Variants in EGFR observed in about 807,000 individuals in gnomAD.
EGFR encodes avian erythroblastic leukemia viral (v-erb-b) oncogene homolog.
EGFR carries 58 observed loss-of-function variants against 143.0 expected under a neutral mutation model. The ratio of observed to expected loss-of-function variants is 0.41; its 90% CI spans 0.33 to 0.50. EGFR has a LOEUF of 0.50. EGFR is among the 20% of genes least tolerant of loss of function. The pLI is 0.39. For synonymous variants in EGFR, 613 were observed against 594.4 expected (o/e 1.03, Z -0.45); for missense variants, 1,307 against 1,579.0 (o/e 0.83, Z 2.92).
At chr7:55,076,919 G>A (rs1790163590) in intron 1 of EGFR, among the ~76,000 whole-genome samples, 1 of 151,916 alleles carries the variant, frequency 6.6e-6, no homozygotes, top group Non-Finnish European at 1.5e-5. Context: ...GGGAATGAGG[G>A]AAATTGACTA....
At chr7:55,070,663 C>T (rs1194334399) in intron 1 of EGFR, among the ~76,000 whole-genome samples, 1 of 152,192 alleles carries the variant, frequency 6.6e-6, no homozygotes, top group African/African-American at 2.4e-5. Flanking sequence ...TATTTGCAAA[C>T]GGCCCTGAGT....
chr7:55,020,625 G>C (rs1043385007), intron 1 of EGFR, among the ~76,000 whole-genome samples: 3 of 151,342 alleles, frequency 2.0e-5, no homozygotes, highest in African/African-American at 7.3e-5. Context: ...AGTGTGCCAA[G>C]TGTGCAGACA....
At chr7:55,154,206 G>A (rs2128935332) in intron 7 of EGFR, 54 bp downstream of exon 7, 1 of 1,613,414 alleles carries the variant, frequency 6.2e-7, no homozygotes, top group Non-Finnish European at 8.5e-7. Context: ...GTCCCGCTCT[G>A]TCTCCTGCTG....
intron 15 of EGFR, chr7:55,170,363 G>A (rs771274615): frequency 6.2e-7 from 1 of 1,614,212 alleles, no homozygotes; most frequent in Middle Eastern, 1.6e-4. Flanking sequence ...CTATCATCCT[G>A]TAATCAAAGT....
At chr7:55,126,835 T>C (rs1793552083) in intron 1 of EGFR, among the ~76,000 whole-genome samples, 1 of 152,196 alleles carries the variant, frequency 6.6e-6, no homozygotes, top group Non-Finnish European at 1.5e-5. Context: ...TGTCAGGGGA[T>C]GAGTGAGATA....
At chr7:55,047,640 A>G (rs1240330309) in intron 1 of EGFR, among the ~76,000 whole-genome samples, 1 of 152,204 alleles carries the variant, frequency 6.6e-6, no homozygotes, top group Non-Finnish European at 1.5e-5. Context: ...AATCCCAGCT[A>G]GTTGAGGGGC....
At chr7:55,063,181 T>C (rs541833922) in intron 1 of EGFR, among the ~76,000 whole-genome samples, 2 of 152,296 alleles carry the variant, frequency 1.3e-5, no homozygotes, top group South Asian at 4.2e-4. Context: ...TGAAGAAATA[T>C]GTGCCCGGAA....
rs557870965 is a variant in EGFR, at chr7:55,137,153, G to T, written c.89-5133G>T. Among the ~76,000 whole-genome samples the T allele has an allele frequency of 2.6e-5, 4 of 152,204 alleles. No individual in the cohort carries two copies. The East Asian group carries it at 7.7e-4, about 29-fold the overall frequency. On this transcript the variant is annotated intron_variant, in intron 1 of 27. Transcript: ENST00000275493. ...TAGTTGCAGAACAGGCTTTTCTAGA[G>T]GGTAGGCCTTTAAGCGTACCTCGAA...
In EGFR at chr7:55,180,880, G is replaced by A. The variant is rs370145017; in HGVS notation, c.2284-413G>A. On this transcript the variant is annotated intron_variant, in intron 19 of 27. Transcript: ENST00000275493. ...GGTCAGTCATTACCCAGGGTGTTCC[G>A]GACCCCACACAGATTCCTACAGGCC... The A allele has an allele frequency of 2.0e-4, 57 of 286,982 alleles. 2 individuals are homozygous for A. The highest frequency in any genetic ancestry group is 1.7e-3 in the South Asian group (45 of 26,042). The allele number at this position is 286,982 out of a possible 1,614,324, so 17.8% of individuals were successfully genotyped here.
chr7:55,181,003 G>A (rs755720436), intron 19 of EGFR: 5 of 534,326 alleles, frequency 9.4e-6, no homozygotes, highest in South Asian at 6.3e-5. Flanking sequence ...AGGTGACTCC[G>A]ACTCCTCCTT....
chr7:55,209,515 G>T lies in EGFR; in HGVS notation c.*3898G>T, dbSNP rs1313060414. The T allele has an allele frequency of 6.6e-6, 1 of 152,162 alleles. No individual in the cohort carries two copies. The allele number at this position is 152,162 out of a possible 1,614,324, so 9.4% of individuals were successfully genotyped here. A position where few individuals can be genotyped will look rare whatever the true frequency, so the allele number is the denominator to read the frequency against. On this transcript the variant is annotated 3_prime_UTR_variant, in exon 28 of 28. Coordinates refer to ENST00000275493, the MANE Select transcript of EGFR (RefSeq NM_005228.5). ...CTTTGTGAGTGAGCTGCTATTCCAC[G>T]TAGGCAACACCTGTTGAAATTGCCC...
intron 6 of EGFR, 88 bp downstream of exon 6, chr7:55,152,752 A>T: frequency 9.1e-7 from 1 of 1,097,408 alleles, no homozygotes; most frequent in Non-Finnish European, 1.4e-6. Flanking sequence ...CCTGTGGGGG[A>T]GCTGTCAATT....
chr7:55,056,959 G>T (rs369980449), intron 1 of EGFR, among the ~76,000 whole-genome samples: 1 of 152,256 alleles, frequency 6.6e-6, no homozygotes, highest in East Asian at 1.9e-4. Context: ...GCTGCAGCTT[G>T]TAAGGTGGAG....
chr7:55,045,545 T>C (rs1788137679), intron 1 of EGFR, among the ~76,000 whole-genome samples: 1 of 152,178 alleles, frequency 6.6e-6, no homozygotes, highest in Admixed American at 6.5e-5. Context: ...GCTTCTAGAC[T>C]ATACTCACGG....
intron 1 of EGFR, among the ~76,000 whole-genome samples, chr7:55,114,876 ATTC>A (rs1480733408): frequency 7.1e-6 from 1 of 141,396 alleles, no homozygotes. Flanking sequence ...TATTTGTATT[ATTC>A]TTTTTTTTTT....
chr7:55,067,141 T>C (rs569483950), intron 1 of EGFR, among the ~76,000 whole-genome samples: 4 of 152,200 alleles, frequency 2.6e-5, no homozygotes, highest in South Asian at 2.1e-4. Flanking sequence ...CAGAAAACCA[T>C]TGGGCTGCAC....
intron 1 of EGFR, among the ~76,000 whole-genome samples, chr7:55,085,135 C>G (rs1232695224): frequency 6.6e-6 from 1 of 152,088 alleles, no homozygotes; most frequent in Non-Finnish European, 1.5e-5. Context: ...TACAGGACAA[C>G]AGTCAGCCTG....
intron 1 of EGFR, among the ~76,000 whole-genome samples, chr7:55,134,041 G>A (rs1026464514): frequency 5.3e-5 from 8 of 152,246 alleles, no homozygotes; most frequent in Non-Finnish European, 1.0e-4. Context: ...GGCCCAGCAC[G>A]CTCACTGCTA....
Position 55,083,999 on chromosome 7 carries a change from G to A in EGFR, c.89-58287G>A, listed in dbSNP as rs1000220819. Among the ~76,000 whole-genome samples the A allele has an allele frequency of 6.6e-5, 10 of 152,296 alleles. No homozygotes were observed. In the South Asian group the frequency reaches 2.1e-3, roughly 32 times the overall value. On this transcript the variant is annotated intron_variant, in intron 1 of 27. Transcript: ENST00000275493. Reference sequence around the variant, plus strand: ...AAAATCAGGGAATTTATTAATAACAGGGTCAAGGCCAAATCAGTAACAAAT... The same window carrying A: ...AAAATCAGGGAATTTATTAATAACAAGGTCAAGGCCAAATCAGTAACAAAT...
Sources: gnomAD v4.1 joint callset for allele counts (sites outside exome capture counted in the v4.1 genomes callset) on GRCh38, gnomAD v4.1.1 for gene constraint, MANE v1.5 for transcripts, NCBI Gene and HGNC (gene_info 2026-07-23, HGNC 2026-07-21) for gene names.